The following PPHLN1 variants were observed in gnomAD, a reference collection of about 807,000 sequenced individuals.
The protein encoded by PPHLN1 is periphilin 1, also known as periphilin-1.
In PPHLN1, 29 loss-of-function variants were observed where a neutral mutation model predicts 51.3. The ratio of observed to expected loss-of-function variants is 0.57; its 90% CI spans 0.42 to 0.77. The LOEUF is 0.77. Ranked by LOEUF, PPHLN1 falls within the 30% of genes least tolerant of loss-of-function variation. The probability of loss-of-function intolerance (pLI) is 0.00; values close to 1 mark genes in which losing one functional copy is unlikely to be tolerated. For missense variants in PPHLN1, 436 were observed against 438.4 expected (o/e 0.99, Z 0.05); for synonymous variants, 147 against 147.8 (o/e 0.99, Z 0.04).
At chr12:42,424,667 G>A (rs1434030544) in intron 9 of PPHLN1, among the ~76,000 whole-genome samples, 2 of 152,044 alleles carry the variant, frequency 1.3e-5, no homozygotes, top group African/African-American at 2.4e-5. Flanking sequence ...TGACCACCCT[G>A]CACTAGCACT....
At chr12:42,413,570 G>A (rs1039886895) in intron 9 of PPHLN1, among the ~76,000 whole-genome samples, 4 of 134,912 alleles carry the variant, frequency 3.0e-5, no homozygotes, top group African/African-American at 5.8e-5. Context: ...GTGTGTGTGT[G>A]TATTCTTTTG....
intron 2 of PPHLN1, among the ~76,000 whole-genome samples, chr12:42,341,678 A>G (rs1420708835): frequency 6.6e-6 from 1 of 151,968 alleles, no homozygotes; most frequent in Non-Finnish European, 1.5e-5. Flanking sequence ...GCTGGAGTGC[A>G]GCGGGCGATC....
intron 3 of PPHLN1, 93 bp downstream of exon 3, chr12:42,352,142 T>C: frequency 5.3e-6 from 6 of 1,137,490 alleles, no homozygotes; most frequent in Non-Finnish European, 6.9e-6. Context: ...TGAAAGCAGT[T>C]GAATAAACAC....
downstream of PPHLN1, chr12:42,442,639 A>G: frequency 2.5e-6 from 4 of 1,614,064 alleles, no homozygotes; most frequent in Non-Finnish European, 3.4e-6. Flanking sequence ...TCGCTCGGCC[A>G]GAGTCTGCAG....
At chr12:42,410,101 A>G (rs1451141269) in intron 9 of PPHLN1, among the ~76,000 whole-genome samples, 1 of 152,010 alleles carries the variant, frequency 6.6e-6, no homozygotes, top group Non-Finnish European at 1.5e-5. Flanking sequence ...AATTCTTTGT[A>G]GCTTTGGAAA....
intron 5 of PPHLN1, among the ~76,000 whole-genome samples, chr12:42,383,009 A>G (rs186014591): frequency 1.1e-4 from 17 of 152,330 alleles, no homozygotes; most frequent in Non-Finnish European, 2.1e-4. Flanking sequence ...TTAGAGAATT[A>G]AAACAATAAT....
chr12:42,406,334 C>T (rs2079306251), intron 9 of PPHLN1, among the ~76,000 whole-genome samples: 2 of 152,218 alleles, frequency 1.3e-5, no homozygotes, highest in African/African-American at 4.8e-5. Context: ...CCTGCCTCAG[C>T]CTCCCAAAGT....
intron 2 of PPHLN1, among the ~76,000 whole-genome samples, chr12:42,339,086 T>C (rs1045906224): frequency 1.3e-5 from 2 of 152,236 alleles, no homozygotes; most frequent in East Asian, 1.9e-4. Context: ...TAGGGAGATA[T>C]TGTCCTTAAA....
At chr12:42,433,611 C>T (rs778643668) in intron 9 of PPHLN1, among the ~76,000 whole-genome samples, 1 of 152,152 alleles carries the variant, frequency 6.6e-6, no homozygotes, top group Non-Finnish European at 1.5e-5. Flanking sequence ...CGTGAGCCAC[C>T]GCACCCGGCC....
At chr12:42,353,749 C>A (rs2073692733) in intron 3 of PPHLN1, among the ~76,000 whole-genome samples, 1 of 152,032 alleles carries the variant, frequency 6.6e-6, no homozygotes, top group Non-Finnish European at 1.5e-5. Context: ...CAGTTGTTAC[C>A]ACTTTTATGA....
intron 4 of PPHLN1, among the ~76,000 whole-genome samples, chr12:42,365,301 C>G (rs1345757780): frequency 6.6e-6 from 1 of 152,128 alleles, no homozygotes; most frequent in Non-Finnish European, 1.5e-5. Flanking sequence ...TCCCTATTGA[C>G]TAGAAAGGAA....
intron 9 of PPHLN1, among the ~76,000 whole-genome samples, chr12:42,416,743 T>G (rs1452927379): frequency 6.6e-6 from 1 of 152,246 alleles, no homozygotes; most frequent in African/African-American, 2.4e-5. Context: ...TAAAAGGCAC[T>G]GTCTTCAAAT....
intron 1 of PPHLN1, among the ~76,000 whole-genome samples, chr12:42,334,524 C>G (rs2070297245): frequency 6.6e-6 from 1 of 152,150 alleles, no homozygotes; most frequent in Non-Finnish European, 1.5e-5. Flanking sequence ...CATTAGAATT[C>G]TATAGCTGTT....
At chr12:42,438,751 G>A (rs149701685) in intron 9 of PPHLN1, among the ~76,000 whole-genome samples, 76 of 152,004 alleles carry the variant, frequency 5.0e-4, no homozygotes, top group Non-Finnish European at 9.6e-4. Flanking sequence ...ACAGGCATGC[G>A]TCACCACGCC....
At chr12:42,425,721 A>G (rs2081399563) in intron 9 of PPHLN1, among the ~76,000 whole-genome samples, 1 of 152,246 alleles carries the variant, frequency 6.6e-6, no homozygotes, top group Non-Finnish European at 1.5e-5. Context: ...TATTTTTAAA[A>G]AGTTAATATG....
chr12:42,368,653 C>T (rs982204824), intron 4 of PPHLN1, among the ~76,000 whole-genome samples: 1 of 152,066 alleles, frequency 6.6e-6, no homozygotes, highest in African/African-American at 2.4e-5. Flanking sequence ...TCACAGAACC[C>T]CCTTTTATGT....
chr12:42,393,455 T>A, intron 7 of PPHLN1, 115 bp from the exon 8 acceptor site: 1 of 1,005,406 alleles, frequency 9.9e-7, no homozygotes, highest in Non-Finnish European at 1.4e-6. Flanking sequence ...GTACCTGTTC[T>A]CCATAGAAAT....
downstream of PPHLN1, chr12:42,442,700 G>A (rs140548802): frequency 1.1e-4 from 179 of 1,614,098 alleles, no homozygotes; most frequent in Non-Finnish European, 1.4e-4. Context: ...AATGGATCAC[G>A]ACGGAACCCC....
At chr12:42,346,816 G>A (rs1434934418) in intron 2 of PPHLN1, among the ~76,000 whole-genome samples, 5 of 152,114 alleles carry the variant, frequency 3.3e-5, no homozygotes, top group Non-Finnish European at 7.4e-5. Flanking sequence ...TCTCATAGTG[G>A]TTTTAATTTG....
Sources: allele counts gnomAD v4.1 joint callset (sites outside exome capture counted in the v4.1 genomes callset), GRCh38; gene constraint gnomAD v4.1.1; transcripts MANE v1.5; gene names NCBI Gene and HGNC (gene_info 2026-07-23, HGNC 2026-07-21).